Variants in FLT3 observed in about 807,000 individuals in gnomAD.
FLT3 encodes the protein receptor-type tyrosine-protein kinase FLT3.
Under a neutral mutation model 126.6 loss-of-function variants are expected in FLT3, and 46 were observed. The observed-to-expected ratio is 0.36, with a 90% confidence interval of 0.29 to 0.46. The LOEUF (loss-of-function observed/expected upper bound fraction) is 0.46, where lower values mean the gene tolerates loss of function less well. Ranked by LOEUF, FLT3 falls within the 20% of genes least tolerant of loss-of-function variation. The probability of loss-of-function intolerance (pLI) is 1.00; values close to 1 mark genes in which losing one functional copy is unlikely to be tolerated. For missense variants in FLT3, 1,069 were observed against 1,190.3 expected, an observed-to-expected ratio of 0.90 and a Z score of 1.50; for synonymous variants, 404 against 434.4, an observed-to-expected ratio of 0.93 and a Z score of 0.87.
intron 9 of FLT3, among the ~76,000 whole-genome samples, chr13:28,042,248 A>G (rs886073428): frequency 7.9e-5 from 12 of 151,012 alleles, no homozygotes; most frequent in African/African-American, 2.4e-4. Context: ...CATCAACAGG[A>G]GTTAGTTAAA....
chr13:28,092,943 A>T (rs1879215222), intron 1 of FLT3, among the ~76,000 whole-genome samples: 4 of 124,266 alleles, frequency 3.2e-5, no homozygotes, highest in African/African-American at 9.6e-5. Context: ...TTTTTTTGAG[A>T]CAGGGTCTCG....
chr13:28,059,042 A>G (rs897197570), intron 3 of FLT3, among the ~76,000 whole-genome samples: 3 of 152,256 alleles, frequency 2.0e-5, no homozygotes, highest in Non-Finnish European at 2.9e-5. Flanking sequence ...TTGCAGCCAA[A>G]AAACAAGAAG....
intron 1 of FLT3, among the ~76,000 whole-genome samples, chr13:28,099,115 G>T: frequency 6.6e-6 from 1 of 152,182 alleles, no homozygotes; most frequent in Non-Finnish European, 1.5e-5. Context: ...TATCTGGAGA[G>T]AGAGACATAG....
intron 12 of FLT3, 89 bp downstream of exon 12, chr13:28,035,406 T>C: frequency 1.6e-6 from 2 of 1,264,276 alleles, no homozygotes; most frequent in Non-Finnish European, 2.2e-6. Context: ...TACTCTCCTG[T>C]AAAATTCCCC....
chr13:28,035,514 C>A lies in FLT3; in HGVS notation c.1578G>T (p.Thr526=), dbSNP rs58490213. ...AYNSLGTSCE[T]ILLNSPGPFP... is the part of the protein sequence containing the mutation. ...TTGTACCTGGAGAGTTTAAAAGGAT[C>A]GTCTCACAAGATGTGCCAAGGGAAT... is the stretch of plus-strand genomic sequence containing the variant. The change falls in exon 12 of 24, where the codon ACG becomes ACT. Residue 526 remains threonine (T), a synonymous_variant. Transcript: ENST00000241453. 6.2e-7 allele frequency: 1 copy of A among 1,613,060 alleles called. No homozygotes were observed. Among genetic ancestry groups the A allele is most frequent in the Non-Finnish European group, 8.5e-7 (1 of 1,179,698 alleles).
At chr13:28,085,886 G>A (rs1357868062) in intron 1 of FLT3, among the ~76,000 whole-genome samples, 1 of 152,076 alleles carries the variant, frequency 6.6e-6, no homozygotes, top group Admixed American at 6.6e-5. Flanking sequence ...GCCAATGTGG[G>A]CAGATCATTT....
chr13:28,099,510 C>T (rs764340742), intron 1 of FLT3, among the ~76,000 whole-genome samples: 1 of 152,156 alleles, frequency 6.6e-6, no homozygotes, highest in Non-Finnish European at 1.5e-5. Flanking sequence ...GACTTCAAGT[C>T]CTAGCATTTC....
In FLT3 at chr13:28,062,456, G is replaced by A. The variant is rs118065671; in HGVS notation, c.166-387C>T. 6.4e-4 allele frequency among the ~76,000 whole-genome samples: 98 copies of A among 152,118 alleles called. 1 individual carries two copies. The East Asian group carries it at 0.016, about 25-fold the overall frequency. On this transcript the variant is annotated intron_variant, in intron 2 of 23. Transcript: ENST00000241453. ...AGTATGACTCGTGTCCTTATAAGAA[G>A]AGGAGGCAGGGCACGGTGGCTCACA...
intron 15 of FLT3, among the ~76,000 whole-genome samples, chr13:28,031,410 G>T (rs970232417): frequency 6.6e-6 from 1 of 152,036 alleles, no homozygotes; most frequent in African/African-American, 2.4e-5. Context: ...CAGTGCTGAG[G>T]GTTGTGAAAG....
At chr13:28,025,963 T>G (rs1410020167) in intron 17 of FLT3, among the ~76,000 whole-genome samples, 3 of 151,988 alleles carry the variant, frequency 2.0e-5, no homozygotes, top group Non-Finnish European at 4.4e-5. Context: ...CTCAAATGTA[T>G]CCCTAAAAAG....
chr13:28,018,109 C>G (rs1393833190), intron 20 of FLT3, among the ~76,000 whole-genome samples: 1 of 152,176 alleles, frequency 6.6e-6, no homozygotes, highest in Admixed American at 6.5e-5. Context: ...ATTAGCTTTT[C>G]ACATAATTGA....
intron 2 of FLT3, chr13:28,068,174 G>A (rs1352698732): frequency 1.3e-5 from 2 of 153,048 alleles, no homozygotes; most frequent in Non-Finnish European, 2.9e-5. Flanking sequence ...ATTTGGTAAG[G>A]AGAGATAATT....
At chr13:28,098,167 T>G (rs1325237829) in intron 1 of FLT3, among the ~76,000 whole-genome samples, 1 of 151,730 alleles carries the variant, frequency 6.6e-6, no homozygotes, top group African/African-American at 2.4e-5. Context: ...ATACAAAAAT[T>G]AGCTGGGTGC....
chr13:28,051,608 G>A lies in FLT3; in HGVS notation c.614+937C>T, dbSNP rs544895765. Among the ~76,000 whole-genome samples, 19 of 144,664 alleles carry A rather than the reference G, an allele frequency of 1.3e-4. No individual in the cohort carries two copies. The East Asian group carries it at 3.3e-3, about 25-fold the overall frequency. 94.9% of individuals were successfully genotyped at this position (144,664 alleles called of 152,430 possible). A position where few individuals can be genotyped will look rare whatever the true frequency, so the allele number is the denominator to read the frequency against. On this transcript the variant is annotated intron_variant, in intron 5 of 23. Coordinates refer to ENST00000241453, the MANE Select transcript of FLT3 (RefSeq NM_004119.3). The stretch of plus-strand genomic sequence containing the variant: ...CACCCAGGCTGGAGTGCAGTGGCGC[G>A]ATCTCGGCTTACTGCAAGCTCTGCC...
At chr13:28,050,477 G>A (rs988014984) in intron 5 of FLT3, among the ~76,000 whole-genome samples, 1 of 152,074 alleles carries the variant, frequency 6.6e-6, no homozygotes, top group Non-Finnish European at 1.5e-5. Context: ...GTTCATGTTT[G>A]GTGATCTCTT....
Position 28,050,140 on chromosome 13 carries a change from C to A in FLT3, c.697G>T (p.Ala233Ser), listed in dbSNP as rs1198841856. The change falls in exon 6 of 24, where the codon GCC becomes TCC. Residue 233 changes from alanine (A) to serine (S), a missense_variant. Ala to Ser is a moderately conservative substitution (Grantham distance 99, BLOSUM62 1). Coordinates refer to ENST00000241453, the MANE Select transcript of FLT3 (RefSeq NM_004119.3). The part of the protein sequence containing the change: ...ELFGTDIRCC[A>S]RNELGRECTR... Reference sequence around the variant, plus strand: ...CATTCCCTGCCCAGTTCATTTCTGGCACAGCACCTTATGTCCGTCCCAAAT... The same window carrying A: ...CATTCCCTGCCCAGTTCATTTCTGGAACAGCACCTTATGTCCGTCCCAAAT... 3 of 1,613,976 alleles carry A rather than the reference C, an allele frequency of 1.9e-6. No individual in the cohort carries two copies. Among genetic ancestry groups the A allele is most frequent in the Admixed American group, 3.3e-5 (2 of 60,008 alleles).
rs572019929 is a variant in FLT3, at chr13:28,029,052, G to A, written c.1943-764C>T. Among the ~76,000 whole-genome samples, 15 of 152,164 alleles carry A rather than the reference G, an allele frequency of 9.9e-5. No homozygotes were observed. In the East Asian group the frequency reaches 2.9e-3, roughly 30 times the overall value. On this transcript the variant is annotated intron_variant, in intron 15 of 23. Transcript: ENST00000241453. ...CCAACTCCGCCTCCCAAAGTGCTGG[G>A]AATACAGGCATGAGCCACCATGCCC... is the stretch of plus-strand genomic sequence containing the variant.
At position 28,015,689 on chromosome 13, in the gene FLT3, C is replaced by G. The variant is rs753361791; in HGVS notation, c.2554G>C (p.Val852Leu). 3.7e-6 allele frequency: 6 copies of G among 1,611,176 alleles called. No homozygotes were observed. Among genetic ancestry groups the G allele is most frequent in the Non-Finnish European group, 5.1e-6 (6 of 1,177,604 alleles). Reference protein sequence around the residue: ...YVVRGNARLPVKWMAPESLFE... With the variant: ...YVVRGNARLPLKWMAPESLFE... ...AGGCTTTCGGGGGCCATCCATTTTACAGGCAGACGGGCCTGTGGAAAACCC... is the reference window on the plus strand; with the variant it reads ...AGGCTTTCGGGGGCCATCCATTTTAGAGGCAGACGGGCCTGTGGAAAACCC... Residue 852 changes from valine (V) to leucine (L), a missense_variant, in exon 21 of 24, where the codon GTA (valine) becomes CTA (leucine). Coordinates refer to ENST00000241453, the MANE Select transcript of FLT3 (RefSeq NM_004119.3).
chr13:28,064,087 C>T (rs1277714702), intron 2 of FLT3, among the ~76,000 whole-genome samples: 3 of 152,046 alleles, frequency 2.0e-5, no homozygotes, highest in African/African-American at 7.2e-5. Context: ...GCCTGGAGAA[C>T]ATAGCAAGAC....
Sources: allele counts gnomAD v4.1 joint callset (sites outside exome capture counted in the v4.1 genomes callset), GRCh38; gene constraint gnomAD v4.1.1; transcripts MANE v1.5; gene names NCBI Gene and HGNC (gene_info 2026-07-23, HGNC 2026-07-21).